Variants in PUDP observed in about 807,000 individuals in gnomAD.
The protein encoded by PUDP is pseudouridine-5'-phosphatase.
Under a neutral mutation model 9.4 loss-of-function variants are expected in PUDP, and 8 were observed. The observed-to-expected ratio is 0.85, with a 90% CI of 0.50 to 1.53. PUDP has a LOEUF of 1.53. Ranked by LOEUF, PUDP falls within the 40% of genes most tolerant of loss-of-function variation. PUDP has a pLI of 0.00. For synonymous variants in PUDP, 99 were observed against 80.7 expected, an observed-to-expected ratio of 1.23 and a Z score of -1.22; for missense variants, 188 against 189.7, an observed-to-expected ratio of 0.99 and a Z score of 0.05.
chrX:6,897,704 C>T (rs1015642413), intron 3 of PUDP, among the ~76,000 whole-genome samples: 1 of 111,368 alleles, frequency 9.0e-6, no homozygotes, highest in African/African-American at 3.3e-5. Flanking sequence ...GATCAAAGTG[C>T]CCGCAGATTC....
intron 3 of PUDP, among the ~76,000 whole-genome samples, chrX:6,804,179 T>C (rs147465045): frequency 9.0e-6 from 1 of 110,986 alleles, no homozygotes; most frequent in Non-Finnish European, 1.9e-5. Flanking sequence ...ACCAGGCACA[T>C]GCATGTATCT....
intron 3 of PUDP, among the ~76,000 whole-genome samples, chrX:7,076,429 G>A (rs762045852): frequency 3.5e-4 from 39 of 111,917 alleles, no homozygotes; most frequent in Non-Finnish European, 6.8e-4. Context: ...CCTTTCAAGG[G>A]TGACTTCCTG....
chrX:6,927,071 G>A (rs1928116127), intron 3 of PUDP, among the ~76,000 whole-genome samples: 1 of 108,813 alleles, frequency 9.2e-6, no homozygotes, highest in Non-Finnish European at 1.9e-5. Flanking sequence ...GGAACTATGG[G>A]TGTGTGCCAC....
chrX:6,718,778 A>C (rs950686812), intron 1 of PUDP, among the ~76,000 whole-genome samples: 2 of 112,187 alleles, frequency 1.8e-5, no homozygotes, highest in African/African-American at 3.2e-5. Context: ...GCCTTAAAAA[A>C]CAAAGACTTT....
intron 3 of PUDP, among the ~76,000 whole-genome samples, chrX:6,741,015 C>T (rs970814987): frequency 1.2e-4 from 13 of 110,329 alleles, no homozygotes; most frequent in African/African-American, 4.0e-4. Context: ...AAAAACTACC[C>T]GGGCGTGGTG....
At chrX:6,762,848 T>C (rs777753344) in intron 3 of PUDP, among the ~76,000 whole-genome samples, 21 of 112,385 alleles carry the variant, frequency 1.9e-4, no homozygotes, top group East Asian at 5.6e-4. Context: ...TATTTCTTTC[T>C]AGTTCTTCTT....
At chrX:6,708,875 C>G (rs1398879382) in intron 1 of PUDP, among the ~76,000 whole-genome samples, 1 of 111,767 alleles carries the variant, frequency 8.9e-6, no homozygotes, top group East Asian at 2.8e-4. Flanking sequence ...CTAAACTGTG[C>G]TGCAATTAGT....
At chrX:6,919,705 A>T (rs1927988032) in intron 3 of PUDP, among the ~76,000 whole-genome samples, 1 of 108,027 alleles carries the variant, frequency 9.3e-6, no homozygotes, top group African/African-American at 3.4e-5. Context: ...CTGGGCCAAC[A>T]GGGTGAAACC....
At chrX:6,951,238 AT>A (rs1928551244) in intron 3 of PUDP, among the ~76,000 whole-genome samples, 6 of 82,411 alleles carry the variant, frequency 7.3e-5, no homozygotes, top group Admixed American at 3.2e-4. Context: ...CCATCCATCC[AT>A]CCATCATATC....
intron 3 of PUDP, among the ~76,000 whole-genome samples, chrX:6,964,169 C>G (rs1453795312): frequency 1.8e-5 from 2 of 112,123 alleles, no homozygotes; most frequent in African/African-American, 6.5e-5. Context: ...AAGTTATTTT[C>G]AAATGGCCAT....
intron 3 of PUDP, among the ~76,000 whole-genome samples, chrX:6,912,051 T>C (rs923661335): frequency 5.4e-5 from 6 of 112,020 alleles, no homozygotes; most frequent in Non-Finnish European, 3.8e-5. Flanking sequence ...TCACTTTTTT[T>C]CTTTTTGAAG....
At chrX:6,846,389 GAC>G (rs1926748875) in intron 3 of PUDP, among the ~76,000 whole-genome samples, 1 of 95,493 alleles carries the variant, frequency 1.0e-5, no homozygotes, top group Non-Finnish European at 2.1e-5. Flanking sequence ...CAGCCTGGGT[GAC>G]AGTGCTAGAC....
intron 2 of PUDP, among the ~76,000 whole-genome samples, chrX:7,083,929 G>GA (rs1931188406): frequency 9.1e-6 from 1 of 109,522 alleles, no homozygotes; most frequent in African/African-American, 3.3e-5. Context: ...GAAAAAAAAA[G>GA]AAATACGTCG....
At chrX:6,994,306 G>T (rs1569136813) in intron 1 of PUDP, among the ~76,000 whole-genome samples, 1 of 111,834 alleles carries the variant, frequency 8.9e-6, no homozygotes, top group Non-Finnish European at 1.9e-5. Flanking sequence ...GCAGCTACTT[G>T]GGAGGCTGAG....
intron 3 of PUDP, among the ~76,000 whole-genome samples, chrX:6,782,785 C>T (rs1925586191): frequency 9.0e-6 from 1 of 111,514 alleles, no homozygotes; most frequent in South Asian, 3.8e-4. Flanking sequence ...TATATTTTCT[C>T]TGCTTTGTGT....
chrX:6,845,412 C>CT (rs1388407076), intron 3 of PUDP, among the ~76,000 whole-genome samples: 1 of 112,109 alleles, frequency 8.9e-6, no homozygotes, highest in Non-Finnish European at 1.9e-5. Context: ...ATAACAAGCT[C>CT]TTTTTTTGTT....
At chrX:7,037,120 T>G (rs1357918882) in intron 1 of PUDP, among the ~76,000 whole-genome samples, 1 of 111,338 alleles carries the variant, frequency 9.0e-6, no homozygotes, top group South Asian at 3.8e-4. Flanking sequence ...TGGACTAGAA[T>G]TTTGGGCAAA....
intron 1 of PUDP, among the ~76,000 whole-genome samples, chrX:7,144,647 G>A (rs942542652): frequency 8.1e-5 from 9 of 110,953 alleles, no homozygotes; most frequent in African/African-American, 3.0e-4. Flanking sequence ...GGAAGCTACG[G>A]GAGTGCAAAA....
intron 3 of PUDP, among the ~76,000 whole-genome samples, chrX:7,075,684 T>C (rs1930875484): frequency 1.8e-5 from 2 of 110,811 alleles, no homozygotes; most frequent in South Asian, 7.7e-4. Flanking sequence ...AGCTTTGAGT[T>C]TGGTGAGCAC....
Sources: allele counts gnomAD v4.1 joint callset (sites outside exome capture counted in the v4.1 genomes callset), GRCh38; gene constraint gnomAD v4.1.1; transcripts MANE v1.5; gene names NCBI Gene and HGNC (gene_info 2026-07-23, HGNC 2026-07-21).